Variants in MACO1 observed in about 807,000 individuals in gnomAD.
The protein encoded by MACO1 is macoilin 1.
In MACO1, 14 loss-of-function variants were observed where a neutral mutation model predicts 78.7. The ratio of observed to expected loss-of-function variants is 0.18; its 90% CI spans 0.12 to 0.28. MACO1 has a LOEUF of 0.28. Among genes scored for constraint, MACO1 ranks in the 10% least tolerant of loss-of-function variants. MACO1 has a pLI of 1.00. For synonymous variants in MACO1, 288 were observed against 291.6 expected (o/e 0.99, Z 0.12); for missense variants, 501 against 799.0 (o/e 0.63, Z 4.50).
In MACO1 at chr1:25,431,301, G is replaced by A. The variant is rs985582806; in HGVS notation, c.80+123G>A. The A allele has an allele frequency of 5.2e-6, 3 of 576,364 alleles. No individual in the cohort carries two copies. The African/African-American group carries it at 6.1e-5, about 12-fold the overall frequency. 35.7% of individuals were successfully genotyped at this position (576,364 alleles called of 1,614,324 possible). On this transcript the variant is annotated intron_variant, in intron 1 of 10. Transcript: ENST00000374343. ...CGCCCGCGCCGGGGGCTCTCCTAAGGAGCGCTGGCCCCGGAGCCGCTGGCC... is the reference window on the plus strand; with the variant it reads ...CGCCCGCGCCGGGGGCTCTCCTAAGAAGCGCTGGCCCCGGAGCCGCTGGCC...
At chr1:25,435,915 A>G (rs2042915562) in intron 1 of MACO1, among the ~76,000 whole-genome samples, 1 of 152,238 alleles carries the variant, frequency 6.6e-6, no homozygotes, top group African/African-American at 2.4e-5. Flanking sequence ...AACTTTCATT[A>G]TGATTCTTCC....
At chr1:25,495,237 TG>T (rs930541419) in intron 10 of MACO1, among the ~76,000 whole-genome samples, 4 of 152,172 alleles carry the variant, frequency 2.6e-5, no homozygotes, top group African/African-American at 9.7e-5. Context: ...CAGAGGAGCT[TG>T]GCTTCCCAGC....
chr1:25,488,558 A>G (rs1045189588), intron 8 of MACO1, among the ~76,000 whole-genome samples: 6 of 151,554 alleles, frequency 4.0e-5, no homozygotes, highest in African/African-American at 1.5e-4. Flanking sequence ...CTGTGACACC[A>G]TCTCAGCTCA....
intron 10 of MACO1, among the ~76,000 whole-genome samples, chr1:25,491,928 C>T (rs951352917): frequency 3.9e-5 from 6 of 152,080 alleles, no homozygotes; most frequent in South Asian, 2.1e-4. Context: ...GAGTCAGGGA[C>T]GAAACTAGTC....
At chr1:25,497,006 C>T (rs1428921385) in intron 10 of MACO1, among the ~76,000 whole-genome samples, 4 of 152,312 alleles carry the variant, frequency 2.6e-5, no homozygotes, top group East Asian at 3.9e-4. Flanking sequence ...AAGCATTTAG[C>T]ATGCCTGGCA....
At chr1:25,447,185 T>C (rs2043023857) in intron 2 of MACO1, among the ~76,000 whole-genome samples, 1 of 151,300 alleles carries the variant, frequency 6.6e-6, no homozygotes, top group Admixed American at 6.6e-5. Flanking sequence ...CTCTTCCATT[T>C]CCCATTGCAA....
Position 25,443,938 on chromosome 1 carries a change from CTT to C in MACO1, c.81-2809_81-2808del, listed in dbSNP as rs372000457. On this transcript the variant is annotated intron_variant, in intron 1 of 10. Transcript: ENST00000374343. ...AGGAAAAATAATATATTTCCATGCC[CTT>C]TTTTTTTTTTTTTTAAGAGATGGTG... 9.3e-4 allele frequency among the ~76,000 whole-genome samples: 134 copies of C among 143,898 alleles called. 1 individual carries two copies. Among genetic ancestry groups the C allele is most frequent in the Middle Eastern group, 7.2e-3 (2 of 276 alleles). The allele number at this position is 143,898 out of a possible 152,430, so 94.4% of individuals were successfully genotyped here.
At chr1:25,442,203 C>A (rs2042978939) in intron 1 of MACO1, among the ~76,000 whole-genome samples, 1 of 152,152 alleles carries the variant, frequency 6.6e-6, no homozygotes, top group Non-Finnish European at 1.5e-5. Context: ...TGTGAGACTT[C>A]AGGTAGAGTA....
intron 6 of MACO1, among the ~76,000 whole-genome samples, chr1:25,474,583 C>T (rs1261899817): frequency 1.3e-5 from 2 of 152,182 alleles, no homozygotes; most frequent in East Asian, 1.9e-4. Flanking sequence ...AATTCCCACA[C>T]CTGACTGTGA....
At chr1:25,480,937 T>A (rs1349882586) in intron 6 of MACO1, among the ~76,000 whole-genome samples, 1,857 of 26,432 alleles carry the variant, frequency 0.07, 65 homozygotes, top group African/African-American at 0.089. Flanking sequence ...AAAATATATA[T>A]ATATATATAT....
chr1:25,440,556 G>GT (rs752917879), intron 1 of MACO1, among the ~76,000 whole-genome samples: 33 of 152,020 alleles, frequency 2.2e-4, no homozygotes, highest in Admixed American at 5.9e-4. Flanking sequence ...ATCACCTGAG[G>GT]TCAGGAGTTC....
chr1:25,493,164 T>G (rs143539894), intron 10 of MACO1, among the ~76,000 whole-genome samples: 196 of 152,324 alleles, frequency 1.3e-3, no homozygotes, highest in African/African-American at 4.6e-3. Context: ...CTCTTAAAAT[T>G]ATTACCCCAA....
chr1:25,477,827 G>C (rs1404853155), intron 6 of MACO1, among the ~76,000 whole-genome samples: 2 of 152,336 alleles, frequency 1.3e-5, no homozygotes, highest in Admixed American at 6.5e-5. Flanking sequence ...TGAAGGCATA[G>C]TGGTGTGGGC....
intron 1 of MACO1, among the ~76,000 whole-genome samples, chr1:25,437,746 C>T (rs541329943): frequency 7.0e-4 from 107 of 152,126 alleles, no homozygotes; most frequent in African/African-American, 2.5e-3. Flanking sequence ...ATAGCGAGAC[C>T]TCATCTCTAC....
At chr1:25,483,028 C>T (rs187581553) in intron 6 of MACO1, among the ~76,000 whole-genome samples, 17 of 152,120 alleles carry the variant, frequency 1.1e-4, no homozygotes, top group Admixed American at 4.6e-4. Context: ...AAGAAAGAGA[C>T]TTGATTTTAT....
At chr1:25,453,513 A>C (rs2043086865) in intron 3 of MACO1, among the ~76,000 whole-genome samples, 1 of 151,144 alleles carries the variant, frequency 6.6e-6, no homozygotes, top group Admixed American at 6.6e-5. Flanking sequence ...AATACAAAAA[A>C]TTAGCCGGTC....
chr1:25,436,060 C>A (rs931644320), intron 1 of MACO1, among the ~76,000 whole-genome samples: 2 of 152,158 alleles, frequency 1.3e-5, no homozygotes, highest in African/African-American at 4.8e-5. Context: ...CCTGTTTTAT[C>A]ATTGATAGTC....
intron 10 of MACO1, among the ~76,000 whole-genome samples, chr1:25,493,259 G>A (rs1350884945): frequency 6.6e-6 from 1 of 152,070 alleles, no homozygotes; most frequent in Non-Finnish European, 1.5e-5. Flanking sequence ...TTATTTTCAA[G>A]ACAGGGTCTT....
intron 1 of MACO1, among the ~76,000 whole-genome samples, chr1:25,440,363 C>A: frequency 6.8e-6 from 1 of 147,670 alleles, no homozygotes; most frequent in African/African-American, 2.5e-5. Context: ...GATTGTACCA[C>A]TGCACTTCAG....
Sources: gnomAD v4.1 joint callset for allele counts (sites outside exome capture counted in the v4.1 genomes callset) on GRCh38, gnomAD v4.1.1 for gene constraint, MANE v1.5 for transcripts, NCBI Gene and HGNC (gene_info 2026-07-23, HGNC 2026-07-21) for gene names.